The following THRB variants were observed in gnomAD, a reference collection of about 807,000 sequenced individuals.
The protein encoded by THRB is nuclear receptor subfamily 1 group A member 2.
Under a neutral mutation model 47.8 loss-of-function variants are expected in THRB, and 12 were observed. The ratio of observed to expected loss-of-function variants is 0.25; its 90% CI spans 0.16 to 0.41. The LOEUF is 0.41. Ranked by LOEUF, THRB falls within the 10% of genes least tolerant of loss-of-function variation. The pLI, the probability that THRB is intolerant of heterozygous loss-of-function variation, is 1.00. For synonymous variants in THRB, 218 were observed against 212.2 expected (o/e 1.03, Z -0.24); for missense variants, 348 against 589.2 (o/e 0.59, Z 4.24).
intron 5 of THRB, among the ~76,000 whole-genome samples, chr3:24,154,434 A>C (rs1193975684): frequency 2.0e-5 from 3 of 152,226 alleles, no homozygotes; most frequent in Non-Finnish European, 4.4e-5. Context: ...TAAACTCATA[A>C]GCTGAGTTCT....
At position 24,325,051 on chromosome 3, in the gene THRB, T is replaced by C. The variant is rs887754208; in HGVS notation, c.-189+12249A>G. On this transcript the variant is annotated intron_variant, in intron 2 of 10. Coordinates refer to ENST00000646209, the MANE Select transcript of THRB (RefSeq NM_001354712.2). ...CTATCTCTTCAGACTGTGTATTAAA[T>C]TCTTGCTTCTTGCTTTTGGCTGTCT... Among the ~76,000 whole-genome samples the C allele has an allele frequency of 2.0e-5, 3 of 152,260 alleles. No individual in the cohort carries two copies. In the East Asian group the frequency reaches 5.8e-4, roughly 29 times the overall value.
At chr3:24,442,539 G>T (rs962127148) in intron 1 of THRB, among the ~76,000 whole-genome samples, 10 of 152,164 alleles carry the variant, frequency 6.6e-5, no homozygotes, top group Admixed American at 1.3e-4. Context: ...TAAAACTAAG[G>T]TCTAGCCAGG....
chr3:24,401,235 G>T (rs2067375102), intron 1 of THRB, among the ~76,000 whole-genome samples: 1 of 152,066 alleles, frequency 6.6e-6, no homozygotes, highest in Admixed American at 6.6e-5. Context: ...TTGATAACAT[G>T]TGAGGCTATA....
chr3:24,214,242 A>G (rs1007677342), intron 4 of THRB, among the ~76,000 whole-genome samples: 1 of 152,214 alleles, frequency 6.6e-6, no homozygotes, highest in Non-Finnish European at 1.5e-5. Context: ...TTTAGGGCAT[A>G]TAAAATGGCT....
chr3:24,281,501 C>T (rs981247312), intron 3 of THRB, among the ~76,000 whole-genome samples: 14 of 151,928 alleles, frequency 9.2e-5, no homozygotes, highest in South Asian at 2.1e-4. Flanking sequence ...TAAAGACCAT[C>T]GAGACTAGGA....
intron 3 of THRB, among the ~76,000 whole-genome samples, chr3:24,245,927 C>CAAAA (rs1434725270): frequency 1.0e-5 from 1 of 96,998 alleles, no homozygotes; most frequent in African/African-American, 7.5e-5. Flanking sequence ...CAATACAAAG[C>CAAAA]AAAACAAAAC....
intron 4 of THRB, among the ~76,000 whole-genome samples, chr3:24,200,986 A>G (rs2044524787): frequency 6.6e-6 from 1 of 152,192 alleles, no homozygotes; most frequent in Admixed American, 6.5e-5. Context: ...AGGAGGGTCT[A>G]TTTTAGCACC....
At chr3:24,165,000 A>G (rs779612650) in intron 5 of THRB, 1 of 709,182 alleles carries the variant, frequency 1.4e-6, no homozygotes, top group East Asian at 2.5e-5. Flanking sequence ...TGAAACTTTG[A>G]ACAAATTTAA....
intron 1 of THRB, among the ~76,000 whole-genome samples, chr3:24,387,165 G>A (rs1164239791): frequency 1.3e-5 from 2 of 152,084 alleles, no homozygotes; most frequent in Non-Finnish European, 2.9e-5. Context: ...ATAAACAGTT[G>A]TTGGCACAAA....
chr3:24,373,060 T>C (rs1370115497), intron 1 of THRB, among the ~76,000 whole-genome samples: 8 of 151,982 alleles, frequency 5.3e-5, no homozygotes, highest in Admixed American at 2.0e-4. Context: ...CCCCAGCAAA[T>C]GTGAATTAAA....
chr3:24,283,347 A>C (rs562187046), intron 3 of THRB, among the ~76,000 whole-genome samples: 272 of 152,244 alleles, frequency 1.8e-3, no homozygotes, highest in African/African-American at 6.1e-3. Flanking sequence ...TGATTATCTC[A>C]ATAGATGCAG....
At position 24,229,242 on chromosome 3, in the gene THRB, C is replaced by G. The variant is rs1965855; in HGVS notation, c.-42-241G>C. On this transcript the variant is annotated intron_variant, in intron 3 of 10. Transcript: ENST00000646209. ...TTTTAAAAATAAATTTTTTATCAAG[C>G]GCACATTTTTCCATCTCAGATTTTT... Among the ~76,000 whole-genome samples the G allele has an allele frequency of 0.52, 78,551 of 151,794 alleles. 20,847 individuals carry two copies. The highest frequency in any genetic ancestry group is 0.65 in the East Asian group (3,332 of 5,148).
intron 2 of THRB, among the ~76,000 whole-genome samples, chr3:24,300,818 A>G (rs1364507310): frequency 6.6e-6 from 1 of 152,170 alleles, no homozygotes; most frequent in Non-Finnish European, 1.5e-5. Context: ...AAATTTTACT[A>G]ATTTGATGGG....
intron 1 of THRB, among the ~76,000 whole-genome samples, chr3:24,347,064 A>G (rs1294051111): frequency 6.6e-6 from 1 of 152,090 alleles, no homozygotes; most frequent in African/African-American, 2.4e-5. Flanking sequence ...TGACCACAGC[A>G]TAATTAAACA....
At chr3:24,281,867 T>A (rs2054650861) in intron 3 of THRB, among the ~76,000 whole-genome samples, 1 of 151,528 alleles carries the variant, frequency 6.6e-6, no homozygotes, top group Admixed American at 6.6e-5. Context: ...AAGGGATCAA[T>A]TCAACAAGAA....
chr3:24,481,354 A>C lies in THRB; in HGVS notation c.-261+13298T>G, dbSNP rs193164264. ...GCCTTGTAAGTGTATATTCTGGTTC[A>C]TCTGAGGACACGCGGTTGCTCATTT... On this transcript the variant is annotated intron_variant, in intron 1 of 10. Transcript: ENST00000646209. Among the ~76,000 whole-genome samples the C allele has an allele frequency of 4.2e-3, 619 of 146,426 alleles. 5 individuals are homozygous for C. The highest frequency in any genetic ancestry group is 0.015 in the African/African-American group (599 of 39,320).
chr3:24,344,404 G>A (rs2062872232), intron 1 of THRB, among the ~76,000 whole-genome samples: 1 of 152,024 alleles, frequency 6.6e-6, no homozygotes, highest in South Asian at 2.1e-4. Flanking sequence ...ATTCAGATAA[G>A]CCAAATTTGT....
chr3:24,135,933 G>T (rs962447393), intron 8 of THRB, among the ~76,000 whole-genome samples: 1 of 150,470 alleles, frequency 6.6e-6, no homozygotes, highest in Non-Finnish European at 1.5e-5. Context: ...ATTAAGAAGT[G>T]TAATAACATT....
At chr3:24,466,720 T>A (rs918321833) in intron 1 of THRB, among the ~76,000 whole-genome samples, 4 of 152,210 alleles carry the variant, frequency 2.6e-5, no homozygotes, top group African/African-American at 7.2e-5. Flanking sequence ...TAGAATTATG[T>A]CTAAAAATAA....
Sources: allele counts gnomAD v4.1 joint callset (sites outside exome capture counted in the v4.1 genomes callset), GRCh38; gene constraint gnomAD v4.1.1; transcripts MANE v1.5; gene names NCBI Gene and HGNC (gene_info 2026-07-23, HGNC 2026-07-21).